The following MIPOL1 variants were observed in gnomAD, a reference collection of about 807,000 sequenced individuals.
The protein encoded by MIPOL1 is mirror-image polydactyly 1.
A neutral mutation model predicts 60.9 loss-of-function variants in MIPOL1; 57 were observed. The ratio of observed to expected loss-of-function variants is 0.94; its 90% CI spans 0.76 to 1.17. The LOEUF (loss-of-function observed/expected upper bound fraction) is 1.17. Among genes scored for constraint, MIPOL1 ranks in the 50% most tolerant of loss-of-function variants. MIPOL1 has a pLI of 0.00. For missense variants in MIPOL1, 551 were observed against 511.6 expected, an observed-to-expected ratio of 1.08 and a Z score of -0.74; for synonymous variants, 179 against 168.8, an observed-to-expected ratio of 1.06 and a Z score of -0.47.
intron 11 of MIPOL1, among the ~76,000 whole-genome samples, chr14:37,440,466 A>T (rs533146419): frequency 6.6e-6 from 1 of 151,554 alleles, no homozygotes; most frequent in East Asian, 1.9e-4. Context: ...CTATCATTCC[A>T]CTCTCTATGT....
At chr14:37,408,640 A>C (rs1414581896) in intron 10 of MIPOL1, among the ~76,000 whole-genome samples, 1 of 152,176 alleles carries the variant, frequency 6.6e-6, no homozygotes, top group Non-Finnish European at 1.5e-5. Flanking sequence ...AAACAAAACA[A>C]AAAAAGTCAG....
At chr14:37,227,723 C>G (rs888247390) in intron 1 of MIPOL1, 1 of 152,164 alleles carries the variant, frequency 6.6e-6, no homozygotes, top group African/African-American at 2.4e-5. Flanking sequence ...TTCACTCATA[C>G]AGAGTTTGGC....
chr14:37,473,532 T>C (rs2094721034), intron 11 of MIPOL1, among the ~76,000 whole-genome samples: 1 of 152,106 alleles, frequency 6.6e-6, no homozygotes, highest in South Asian at 2.1e-4. Context: ...ACTCCTACTC[T>C]GTGTGTGTGA....
chr14:37,413,581 C>T (rs1233674642), intron 10 of MIPOL1, among the ~76,000 whole-genome samples: 1 of 152,204 alleles, frequency 6.6e-6, no homozygotes, highest in African/African-American at 2.4e-5. Context: ...ACTTTAATTC[C>T]ACCTGCAACC....
chr14:37,543,239 G>T (rs2095536302), intron 12 of MIPOL1, among the ~76,000 whole-genome samples: 1 of 152,048 alleles, frequency 6.6e-6, no homozygotes, highest in African/African-American at 2.4e-5. Context: ...CAGGCCTTCA[G>T]CTCTCACTGG....
chr14:37,270,682 C>CT (rs1162828734), intron 6 of MIPOL1, among the ~76,000 whole-genome samples, 157 bp downstream of exon 6: 1 of 120,568 alleles, frequency 8.3e-6, no homozygotes, highest in Non-Finnish European at 1.6e-5. Context: ...AAATAGGTGG[C>CT]TTTAACATCC....
intron 11 of MIPOL1, among the ~76,000 whole-genome samples, chr14:37,488,877 C>T (rs371522190): frequency 1.3e-5 from 2 of 152,198 alleles, no homozygotes; most frequent in African/African-American, 4.8e-5. Context: ...AACATTTTTT[C>T]CTTCATTTCA....
intron 1 of MIPOL1, among the ~76,000 whole-genome samples, chr14:37,244,162 C>T (rs1972806350): frequency 8.5e-6 from 1 of 117,062 alleles, no homozygotes; most frequent in Middle Eastern, 9.3e-3. Context: ...ACTCTGTCAC[C>T]AGGATGGAGT....
chr14:37,373,641 G>A (rs2092700883), intron 10 of MIPOL1, among the ~76,000 whole-genome samples: 1 of 152,000 alleles, frequency 6.6e-6, no homozygotes, highest in African/African-American at 2.4e-5. Context: ...GTGGTGTTCG[G>A]TTTTCTGTTC....
intron 4 of MIPOL1, among the ~76,000 whole-genome samples, 190 bp downstream of exon 4, chr14:37,267,359 A>G (rs1232630319): frequency 6.6e-6 from 1 of 152,104 alleles, no homozygotes; most frequent in Non-Finnish European, 1.5e-5. Context: ...GTGGTGGCAC[A>G]TGCCTGTAAT....
intron 7 of MIPOL1, among the ~76,000 whole-genome samples, chr14:37,292,351 G>T (rs1343147847): frequency 6.6e-6 from 1 of 151,488 alleles, no homozygotes; most frequent in Non-Finnish European, 1.5e-5. Flanking sequence ...TTGTATTTGT[G>T]GTGTATTCAT....
At chr14:37,440,420 C>G (rs181046998) in intron 11 of MIPOL1, among the ~76,000 whole-genome samples, 1 of 152,012 alleles carries the variant, frequency 6.6e-6, no homozygotes, top group African/African-American at 2.4e-5. Context: ...TTATCTACCC[C>G]CTTTGTACCC....
intron 12 of MIPOL1, among the ~76,000 whole-genome samples, chr14:37,511,545 G>T: frequency 6.6e-6 from 1 of 152,132 alleles, no homozygotes; most frequent in East Asian, 1.9e-4. Flanking sequence ...AATCCATTAA[G>T]AGATGTTTTT....
chr14:37,509,706 T>TGTC (rs1555364415), intron 12 of MIPOL1, among the ~76,000 whole-genome samples: 1 of 150,706 alleles, frequency 6.6e-6, no homozygotes, highest in Non-Finnish European at 1.5e-5. Flanking sequence ...GATATATATG[T>TGTC]ATGTTTATGT....
At chr14:37,451,879 A>G (rs1459159335) in intron 11 of MIPOL1, among the ~76,000 whole-genome samples, 6 of 137,334 alleles carry the variant, frequency 4.4e-5, no homozygotes, top group Non-Finnish European at 9.0e-5. Context: ...CAGTGGCGCA[A>G]TCTCGGCTCA....
intron 7 of MIPOL1, among the ~76,000 whole-genome samples, chr14:37,290,515 C>T (rs1397177620): frequency 2.0e-5 from 3 of 152,076 alleles, no homozygotes; most frequent in Non-Finnish European, 2.9e-5. Context: ...CATGAGCCAC[C>T]GTGCCCAGCT....
intron 9 of MIPOL1, among the ~76,000 whole-genome samples, chr14:37,328,943 A>G (rs979098249): frequency 3.3e-5 from 5 of 152,212 alleles, no homozygotes; most frequent in East Asian, 1.9e-4. Flanking sequence ...TTAAGAATAT[A>G]TAGAATGATC....
intron 11 of MIPOL1, among the ~76,000 whole-genome samples, chr14:37,457,237 T>C (rs956316303): frequency 6.6e-6 from 1 of 152,176 alleles, no homozygotes; most frequent in African/African-American, 2.4e-5. Context: ...AGTGGGTGTT[T>C]CCTAAATCTG....
At chr14:37,288,168 G>C (rs1176192369) in intron 7 of MIPOL1, among the ~76,000 whole-genome samples, 1 of 149,904 alleles carries the variant, frequency 6.7e-6, no homozygotes, top group Non-Finnish European at 1.5e-5. Flanking sequence ...GGTTTTTTTT[G>C]GTTGTTGTTT....
Sources: allele counts gnomAD v4.1 joint callset (sites outside exome capture counted in the v4.1 genomes callset), GRCh38; gene constraint gnomAD v4.1.1; transcripts MANE v1.5; gene names NCBI Gene and HGNC (gene_info 2026-07-23, HGNC 2026-07-21).